SCP2: variants seen among roughly 807,000 people sequenced by gnomAD.
SCP2 encodes the protein sterol carrier protein 2, also known as SCP-2/3-oxoacyl-CoA thiolase.
Under a neutral mutation model 71.4 loss-of-function variants are expected in SCP2, and 48 were observed. The ratio of observed to expected loss-of-function variants is 0.67; its 90% CI spans 0.53 to 0.86. The LOEUF (loss-of-function observed/expected upper bound fraction) is 0.86, where lower values mean the gene tolerates loss of function less well. Among genes scored for constraint, SCP2 ranks in the 40% least tolerant of loss-of-function variants. The probability of loss-of-function intolerance (pLI) is 0.00; values close to 1 mark genes in which losing one functional copy is unlikely to be tolerated. For missense variants in SCP2, 560 were observed against 655.6 expected, an observed-to-expected ratio of 0.85 and a Z score of 1.59; for synonymous variants, 220 against 218.1, an observed-to-expected ratio of 1.01 and a Z score of -0.08.
intron 6 of SCP2, among the ~76,000 whole-genome samples, chr1:52,971,049 C>T (rs1245867945): frequency 7.1e-6 from 1 of 141,494 alleles, no homozygotes; most frequent in Non-Finnish European, 1.5e-5. Flanking sequence ...AATCTCAGCT[C>T]ACTGCAAGCT....
intron 6 of SCP2, among the ~76,000 whole-genome samples, chr1:52,970,119 A>C (rs951046441): frequency 1.3e-5 from 2 of 152,156 alleles, no homozygotes; most frequent in African/African-American, 4.8e-5. Context: ...TTTACCCAAG[A>C]ATTATTTCAT....
intron 11 of SCP2, among the ~76,000 whole-genome samples, chr1:53,012,506 A>C (rs1661049625): frequency 6.6e-6 from 1 of 152,246 alleles, no homozygotes. Context: ...TCAGAGGGCC[A>C]AGGAGCATTT....
chr1:53,006,116 ATATGGGAC>A (rs1279831213), intron 11 of SCP2, among the ~76,000 whole-genome samples: 2 of 152,224 alleles, frequency 1.3e-5, no homozygotes, highest in African/African-American at 4.8e-5. Flanking sequence ...CCTCCAAGAA[ATATGGGAC>A]TATGTGAAAA....
At chr1:52,964,224 T>TA (rs1656740271) in intron 6 of SCP2, among the ~76,000 whole-genome samples, 1 of 150,118 alleles carries the variant, frequency 6.7e-6, no homozygotes, top group African/African-American at 2.4e-5. Context: ...CTTTTTTTTT[T>TA]TTTTTTTGAG....
chr1:53,016,346 A>G (rs1245375653), intron 12 of SCP2, among the ~76,000 whole-genome samples: 1 of 152,114 alleles, frequency 6.6e-6, no homozygotes, highest in African/African-American at 2.4e-5. Flanking sequence ...CCTTTATTAT[A>G]TGAAATCCTT....
chr1:53,023,079 G>GT (rs1306397079), intron 12 of SCP2, among the ~76,000 whole-genome samples: 3 of 152,312 alleles, frequency 2.0e-5, no homozygotes, highest in Admixed American at 6.5e-5. Context: ...CTGAGTTTAA[G>GT]TTGATATATT....
chr1:52,933,540 A>G (rs1002604106), intron 1 of SCP2, among the ~76,000 whole-genome samples: 2 of 152,242 alleles, frequency 1.3e-5, no homozygotes, highest in African/African-American at 4.8e-5. Flanking sequence ...GAACCTACTC[A>G]TTGTCTTGAA....
intron 4 of SCP2, among the ~76,000 whole-genome samples, chr1:52,951,187 T>G (rs1655265589): frequency 6.6e-6 from 1 of 151,266 alleles, no homozygotes; most frequent in Admixed American, 6.6e-5. Context: ...GAGGCTGAGG[T>G]GGGAGGATGA....
At chr1:52,994,738 G>A (rs1659800005) in intron 11 of SCP2, 14 of 713,262 alleles carry the variant, frequency 2.0e-5, no homozygotes, top group South Asian at 1.0e-4. Flanking sequence ...GAGGGAAATC[G>A]TGCACATCCA....
chr1:53,044,568 C>G (rs1235593024), intron 14 of SCP2, among the ~76,000 whole-genome samples: 1 of 152,180 alleles, frequency 6.6e-6, no homozygotes, highest in Non-Finnish European at 1.5e-5. Flanking sequence ...TTCTATTGGA[C>G]AAATACAGAC....
At chr1:53,004,360 AT>A (rs1380853403) in intron 11 of SCP2, among the ~76,000 whole-genome samples, 1 of 152,192 alleles carries the variant, frequency 6.6e-6, no homozygotes, top group African/African-American at 2.4e-5. Context: ...TATATTTTAC[AT>A]GTGATAGATA....
At chr1:52,983,173 G>T (rs1658683047) in intron 10 of SCP2, among the ~76,000 whole-genome samples, 1 of 152,156 alleles carries the variant, frequency 6.6e-6, no homozygotes. Flanking sequence ...TCTTCTGACC[G>T]CCATAGTTTC....
At chr1:52,945,785 G>A (rs1025145744) in intron 2 of SCP2, among the ~76,000 whole-genome samples, 1 of 148,478 alleles carries the variant, frequency 6.7e-6, no homozygotes, top group Non-Finnish European at 1.5e-5. Flanking sequence ...TGGACATTTA[G>A]GTTCCCAAGT....
chr1:52,990,164 TAAAC>T (rs150653776), intron 11 of SCP2, among the ~76,000 whole-genome samples: 25,027 of 151,738 alleles, frequency 0.16, 4,534 homozygotes, highest in African/African-American at 0.46. Flanking sequence ...AGTCACTAAA[TAAAC>T]AACCACAACA....
rs563530374 is a variant in SCP2 at position 52,947,161 on chromosome 1, C to T, written c.128-848C>T. ...CTTTGGGAAGCCAAAGTGGGAGGAT[C>T]GCCTAAGCCCAGGAGTTTGAGACTG... On this transcript the variant is annotated intron_variant, in intron 2 of 15. Transcript: ENST00000371514. Among the ~76,000 whole-genome samples, 128 of 141,426 alleles carry T rather than the reference C, an allele frequency of 9.1e-4. 1 individual carries two copies. The highest frequency in any genetic ancestry group is 3.3e-3 in the African/African-American group (125 of 38,068). The allele number at this position is 141,426 out of a possible 152,430, so 92.8% of individuals were successfully genotyped here.
rs1040324310 is a variant in SCP2 at position 53,028,802 on chromosome 1, G to A, written c.1338+731G>A. 3.3e-5 allele frequency among the ~76,000 whole-genome samples: 5 copies of A among 152,174 alleles called. No individual in the cohort carries two copies. The South Asian group carries it at 1.0e-3, about 32-fold the overall frequency. ...TTGTTTTGTTTTGTTCTGAGACAGT[G>A]TCTTGCTCTGTCACCCAGGCTGGAG... is the stretch of plus-strand genomic sequence containing the variant. On this transcript the variant is annotated intron_variant, in intron 13 of 15. Transcript: ENST00000371514.
intron 6 of SCP2, among the ~76,000 whole-genome samples, chr1:52,964,929 G>A (rs2150148374): frequency 6.6e-6 from 1 of 152,242 alleles, no homozygotes; most frequent in African/African-American, 2.4e-5. Flanking sequence ...CAGGAGAATT[G>A]CTTGAACCCG....
At chr1:52,983,433 T>C (rs1252716241) in intron 10 of SCP2, among the ~76,000 whole-genome samples, 2 of 152,222 alleles carry the variant, frequency 1.3e-5, no homozygotes, top group Non-Finnish European at 2.9e-5. Flanking sequence ...CTCCTCTTCT[T>C]CTGGACTTCC....
chr1:52,946,966 C>T (rs1297955656), intron 2 of SCP2, among the ~76,000 whole-genome samples: 1 of 148,720 alleles, frequency 6.7e-6, no homozygotes, highest in Non-Finnish European at 1.5e-5. Context: ...GAGGCTGAGG[C>T]AGGAGAATCA....
Sources: allele counts gnomAD v4.1 joint callset (sites outside exome capture counted in the v4.1 genomes callset), GRCh38; gene constraint gnomAD v4.1.1; transcripts MANE v1.5; gene names NCBI Gene and HGNC (gene_info 2026-07-23, HGNC 2026-07-21).